The following CHTF18 variants were observed in gnomAD, a reference collection of about 807,000 sequenced individuals.
CHTF18 encodes the protein chromosome transmission fidelity protein 18 homolog.
CHTF18 carries 151 observed loss-of-function variants against 113.4 expected under a neutral mutation model. The ratio of observed to expected loss-of-function variants is 1.33; its 90% CI spans 1.17 to 1.52. The LOEUF (loss-of-function observed/expected upper bound fraction) is 1.52, where lower values mean the gene tolerates loss of function less well. Among genes scored for constraint, CHTF18 ranks in the 40% most tolerant of loss-of-function variants. The pLI, the probability that CHTF18 is intolerant of heterozygous loss-of-function variation, is 0.00. For missense variants in CHTF18, 1,982 were observed against 1,381.6 expected (o/e 1.43, Z -6.89); for synonymous variants, 916 against 598.8 (o/e 1.53, Z -7.74).
chr16:789,887 A>T, intron 4 of CHTF18, 172 bp downstream of exon 4: 10 of 1,358,328 alleles, frequency 7.4e-6, no homozygotes, highest in Non-Finnish European at 1.0e-5. Flanking sequence ...CAGCCTCCCC[A>T]CAGCAGGTTG....
chr16:789,980 A>G (rs879834307), intron 4 of CHTF18, 197 bp from the exon 5 acceptor site: 2 of 1,534,956 alleles, frequency 1.3e-6, no homozygotes, highest in African/African-American at 1.4e-5. Flanking sequence ...CCTTTCTCCT[A>G]AAGCTGCCCC....
chr16:792,578 T>C lies in CHTF18; in HGVS notation c.1466T>C (p.Ile489Thr), dbSNP rs1488611401. 2 of 1,595,326 alleles carry C rather than the reference T, an allele frequency of 1.3e-6. No homozygotes were observed. Among genetic ancestry groups the C allele is most frequent in the Non-Finnish European group, 1.7e-6 (2 of 1,174,602 alleles). Reference sequence around the variant, plus strand: ...CTCCTCATGAGGCCCATTATCTGCATTTGCAATGACCAGTGAGTGCATGGG... The same window carrying C: ...CTCCTCATGAGGCCCATTATCTGCACTTGCAATGACCAGTGAGTGCATGGG... ...GGLLMRPIIC[I>T]CNDQFAPSLR... Residue 489 changes from isoleucine to threonine, a missense_variant, in exon 11 of 22, where the codon ATT becomes ACT. Transcript: ENST00000262315.
In CHTF18 at chr16:788,995, C is replaced by T. The variant is rs1383856228; in HGVS notation, c.156C>T (p.Phe52=). Residue 52 remains phenylalanine (F), a synonymous_variant, in exon 2 of 22, where the codon TTC becomes TTT. Transcript: ENST00000262315. ...LFTAGRPPRT[F]EEALARGDAA... ...CCGCGGGCCGACCCCCGCGGACGTT[C>T]GAGGAGGCCCTTGCCAGAGGGGACG... 2.6e-6 allele frequency: 4 copies of T among 1,560,416 alleles called. No individual in the cohort carries two copies. Among genetic ancestry groups the T allele is most frequent in the African/African-American group, 1.4e-5 (1 of 73,086 alleles).
rs367945137 is a variant in CHTF18 at position 790,647 on chromosome 16, C to G, written c.875C>G (p.Thr292Arg). ...WVDEFAPRHY[T>R]ELLSDDFTNR... ...GATGAGTTTGCACCCCGCCACTACA[C>G]GGAGCTGCTCAGTGATGACGTGAGG... The change falls in exon 7 of 22, where the codon ACG (threonine) becomes AGG (arginine). Residue 292 changes from threonine to arginine, a missense_variant. By Grantham distance (71) the Thr-to-Arg change is moderately conservative. Coordinates refer to ENST00000262315, the MANE Select transcript of CHTF18 (RefSeq NM_022092.3). The G allele has an allele frequency of 1.3e-6, 2 of 1,586,244 alleles. No individual in the cohort carries two copies. The highest frequency in any genetic ancestry group is 2.7e-5 in the African/African-American group (2 of 73,872).
chr16:796,172 C>T (rs1044770016), intron 18 of CHTF18, 95 bp downstream of exon 18: 42 of 1,470,636 alleles, frequency 2.9e-5, no homozygotes, highest in Middle Eastern at 2.3e-4. Context: ...TCTGAAAGCA[C>T]GGTCATGGCG....
chr16:795,047 G>A, intron 15 of CHTF18, 85 bp from the exon 16 acceptor site: 2 of 1,102,572 alleles, frequency 1.8e-6, no homozygotes, highest in Non-Finnish European at 1.3e-6. Flanking sequence ...CAGGAGTGGA[G>A]GGTCTGTGGC....
At chr16:791,542 G>A in intron 8 of CHTF18, 172 bp downstream of exon 8, 1 of 1,435,416 alleles carries the variant, frequency 7.0e-7, no homozygotes, top group Non-Finnish European at 9.1e-7. Flanking sequence ...TAACAACTCG[G>A]GGGAAGTCGT....
Position 789,067 on chromosome 16 carries a change from C to A in CHTF18, c.228C>A (p.Gly76=). 2.0e-6 allele frequency: 3 copies of A among 1,536,070 alleles called. No individual in the cohort carries two copies. The African/African-American group carries it at 4.1e-5, about 21-fold the overall frequency. The stretch of plus-strand genomic sequence containing the variant: ...CCGCATCTGTGGGCAGCAGCCAGGG[C>A]GGCGCCAGGAAGAGGCAGGTGGACG... ...APAASVGSSQ[G]GARKRQVDAD... Residue 76 remains glycine, a synonymous_variant, in exon 2 of 22, where the codon GGC becomes GGA. Transcript: ENST00000262315.
Position 788,638 on chromosome 16 carries a change from G to T in CHTF18, c.-47G>T, listed in dbSNP as rs1161307906. The stretch of plus-strand genomic sequence containing the variant: ...TCGGGGCGGGCAGTGCGCGACGGCG[G>T]CGGCGGCGCGGGAGGTTCGGAGCGG... On this transcript the variant is annotated 5_prime_UTR_variant, in exon 1 of 22. Transcript: ENST00000262315. The T allele has an allele frequency of 2.3e-5, 32 of 1,407,126 alleles. No individual in the cohort carries two copies. The highest frequency in any genetic ancestry group is 2.8e-5 in the Non-Finnish European group (30 of 1,064,886). 87.2% of individuals were successfully genotyped at this position (1,407,126 alleles called of 1,614,324 possible). A position where few individuals can be genotyped will look rare whatever the true frequency, so the allele number is the denominator to read the frequency against.
At chr16:791,727 G>C in intron 8 of CHTF18, 124 bp from the exon 9 acceptor site, 3 of 1,448,732 alleles carry the variant, frequency 2.1e-6, no homozygotes, top group South Asian at 2.9e-5. Flanking sequence ...GTTCTTATTT[G>C]ATGGCTGGAG....
Position 789,003 on chromosome 16 carries a change from C to T in CHTF18, c.164C>T (p.Ala55Val). The T allele has an allele frequency of 1.3e-6, 2 of 1,558,024 alleles. No individual in the cohort carries two copies. Among genetic ancestry groups the T allele is most frequent in the Non-Finnish European group, 1.7e-6 (2 of 1,156,826 alleles). ...CGACCCCCGCGGACGTTCGAGGAGG[C>T]CCTTGCCAGAGGGGACGCGGCCTCC... ...AGRPPRTFEE[A>V]LARGDAASSP... The change falls in exon 2 of 22, where the codon GCC (alanine) becomes GTC (valine). Residue 55 changes from alanine (A) to valine (V), a missense_variant. By Grantham distance (64) the Ala-to-Val change is moderately conservative. Coordinates refer to ENST00000262315, the MANE Select transcript of CHTF18 (RefSeq NM_022092.3).
chr16:789,196 TGTGTCTCCCCCAGCCCCCAGG>T lies in CHTF18; in HGVS notation c.287-13_294del. Reference sequence around the variant, plus strand: ...CTGAGGAGGCCTCTGGTTCCCTGCATGTGTCTCCCCCAGCCCCCAGGATCAAACGGCCTAGGCTGCAGGTGG... The same window carrying T: ...CTGAGGAGGCCTCTGGTTCCCTGCATATCAAACGGCCTAGGCTGCAGGTGG... On this transcript the variant is annotated splice_acceptor_variant and splice_polypyrimidine_tract_variant and coding_sequence_variant and intron_variant, in exon 3 of 22. Coordinates refer to ENST00000262315, the MANE Select transcript of CHTF18 (RefSeq NM_022092.3). LOFTEE classifies it high-confidence loss of function. 1 of 1,550,538 alleles carries T rather than the reference TGTGTCTCCCCCAGCCCCCAGG, an allele frequency of 6.4e-7. No homozygotes were observed. Among genetic ancestry groups the T allele is most frequent in the Non-Finnish European group, 8.7e-7 (1 of 1,147,114 alleles).
chr16:795,768 G>GC lies in CHTF18; in HGVS notation c.2263dup (p.Gln755ProfsTer31), dbSNP rs1567404365. 1 of 1,609,346 alleles carries GC rather than the reference G, an allele frequency of 6.2e-7. No homozygotes were observed. Among genetic ancestry groups the GC allele is most frequent in the South Asian group, 1.1e-5 (1 of 90,604 alleles). ...CGCCAGCCACGCGCAGCCGGGCCAC[G>GC]CCCCAGGCCCTGCTCCTCGATGCCC... On this transcript the variant is annotated frameshift_variant, in exon 17 of 22. Coordinates refer to ENST00000262315, the MANE Select transcript of CHTF18 (RefSeq NM_022092.3). LOFTEE classifies it high-confidence loss of function.
rs921536353 is a variant in CHTF18, at chr16:789,256, C to G, written c.333C>G (p.Asn111Lys). The G allele has an allele frequency of 1.3e-6, 2 of 1,560,386 alleles. No individual in the cohort carries two copies. The highest frequency in any genetic ancestry group is 3.8e-5 in the Admixed American group (2 of 52,240). ...RPRLQVVKRL[N>K]FRSEEMEEPP... The stretch of plus-strand genomic sequence containing the variant: ...GGCTGCAGGTGGTCAAGAGGCTGAA[C>G]TTCAGATCGGAGGAGATGGAGGAGC... The change falls in exon 3 of 22, where the codon AAC becomes AAG. Residue 111 changes from asparagine to lysine, a missense_variant. Transcript: ENST00000262315.
chr16:788,769 C>A lies in CHTF18; in HGVS notation c.85C>A (p.Leu29Met). 6.3e-7 allele frequency: 1 copy of A among 1,596,748 alleles called. No individual in the cohort carries two copies. The highest frequency in any genetic ancestry group is 8.5e-7 in the Non-Finnish European group (1 of 1,173,008). Residue 29 changes from leucine to methionine, a missense_variant, in exon 1 of 22, where the codon CTG (leucine) becomes ATG (methionine). By Grantham distance (15) the Leu-to-Met change is conservative. Coordinates refer to ENST00000262315, the MANE Select transcript of CHTF18 (RefSeq NM_022092.3). Reference sequence around the variant, plus strand: ...GGCCGAGCTGGAGGTGCTGGCAGAGCTGGAAGGTGGGGCGCGGCCCCCGGC... The same window carrying A: ...GGCCGAGCTGGAGGTGCTGGCAGAGATGGAAGGTGGGGCGCGGCCCCCGGC... Reference protein sequence around the residue: ...FAAELEVLAELEGASTPSPSG... With the variant: ...FAAELEVLAEMEGASTPSPSG...
intron 19 of CHTF18, 47 bp downstream of exon 19, chr16:796,908 C>T (rs748704486): frequency 2.9e-5 from 45 of 1,552,886 alleles, no homozygotes; most frequent in Non-Finnish European, 8.7e-6. Flanking sequence ...GGGCGTGCAC[C>T]ATCCCCACTG....
chr16:796,124 G>A, intron 18 of CHTF18, 47 bp downstream of exon 18: 1 of 1,568,384 alleles, frequency 6.4e-7, no homozygotes, highest in Admixed American at 1.8e-5. Flanking sequence ...ATGCTCCCCG[G>A]CTGTGCTCCA....
rs2042241208 is a variant in CHTF18, at chr16:792,970, C to T, written c.1577C>T (p.Ser526Phe). Residue 526 changes from serine to phenylalanine, a missense_variant, in exon 13 of 22, where the codon TCC becomes TTC. Physicochemically the swap from Ser to Phe is radical, Grantham distance 155 (BLOSUM62 -2). Transcript: ENST00000262315. The part of the protein sequence containing the change: ...SRLVQRLQEV[S>F]LRQGMRADPG... ...CCAGCAGCCCTTCTCCACCAGGTCT[C>T]CCTGCGGCAGGGCATGAGGGCCGAC... The T allele has an allele frequency of 6.4e-7, 1 of 1,557,036 alleles. No individual in the cohort carries two copies. The highest frequency in any genetic ancestry group is 8.7e-7 in the Non-Finnish European group (1 of 1,150,892).
At position 793,732 on chromosome 16, in the gene CHTF18, T is replaced by C. The variant is rs748904292; in HGVS notation, c.1803-322T>C. On this transcript the variant is annotated intron_variant, in intron 14 of 21. Transcript: ENST00000262315. ...GCTGGCCTGGTCGTGCTGCAGGATA[T>C]GGGAGACGCTGGCCTGGGCCTGTGG... is the stretch of plus-strand genomic sequence containing the variant. The C allele has an allele frequency of 2.9e-5, 19 of 650,212 alleles. No homozygotes were observed. The East Asian group carries it at 5.5e-4, about 19-fold the overall frequency. 40.3% of individuals were successfully genotyped at this position (650,212 alleles called of 1,614,324 possible).
Sources: gnomAD v4.1 joint callset for allele counts on GRCh38, gnomAD v4.1.1 for gene constraint, MANE v1.5 for transcripts, NCBI Gene and HGNC (gene_info 2026-07-23, HGNC 2026-07-21) for gene names.